Variants in CPA6 observed in about 807,000 individuals in gnomAD.
CPA6 encodes carboxypeptidase A6, also known as carboxypeptidase B.
A neutral mutation model predicts 63.3 loss-of-function variants in CPA6; 58 were observed. That is an observed-to-expected ratio of 0.92 (90% CI 0.74 to 1.14). The LOEUF (loss-of-function observed/expected upper bound fraction) is 1.14, where lower values mean the gene tolerates loss of function less well. Among genes scored for constraint, CPA6 ranks in the 50% most tolerant of loss-of-function variants. CPA6 has a pLI of 0.00. For missense variants in CPA6, 565 were observed against 526.6 expected (o/e 1.07, Z -0.71); for synonymous variants, 185 against 179.0 (o/e 1.03, Z -0.27).
At chr8:67,713,795 A>G (rs1177053276) in intron 1 of CPA6, among the ~76,000 whole-genome samples, 2 of 152,184 alleles carry the variant, frequency 1.3e-5, no homozygotes, top group Admixed American at 6.5e-5. Flanking sequence ...AGATTTTACA[A>G]TATACTGGCC....
chr8:67,642,793 T>TCACACACACACACACACACA (rs61054637), intron 1 of CPA6, among the ~76,000 whole-genome samples: 85 of 145,172 alleles, frequency 5.9e-4, no homozygotes, highest in South Asian at 5.4e-3. Flanking sequence ...GGCCTTTATC[T>TCACACACACACACACACACA]CACACACACA....
chr8:67,638,017 ATG>A (rs1291963317), intron 1 of CPA6, among the ~76,000 whole-genome samples: 2 of 146,092 alleles, frequency 1.4e-5, no homozygotes, highest in Non-Finnish European at 1.5e-5. Flanking sequence ...GCATGCATGC[ATG>A]TGTGTTTGTG....
In CPA6 at chr8:67,564,985, G is replaced by A. The variant is rs913809821; in HGVS notation, c.193-46938C>T. ...TGAAAGATGAACTGAGAACCGCAGC[G>A]TGGTCTTCTAGATCATTTAGTATGT... On this transcript the variant is annotated intron_variant, in intron 2 of 10. Transcript: ENST00000297770. 3.3e-5 allele frequency among the ~76,000 whole-genome samples: 5 copies of A among 152,258 alleles called. 1 individual carries two copies. Among genetic ancestry groups the A allele is most frequent in the Admixed American group, 2.0e-4 (3 of 15,290 alleles).
intron 8 of CPA6, among the ~76,000 whole-genome samples, chr8:67,458,042 C>A (rs1300116093): frequency 6.6e-6 from 1 of 152,152 alleles, no homozygotes; most frequent in Non-Finnish European, 1.5e-5. Context: ...AACAACTGAA[C>A]ATCCACATAC....
intron 1 of CPA6, among the ~76,000 whole-genome samples, chr8:67,715,191 T>A (rs76602244): frequency 0.017 from 2,568 of 152,256 alleles, 37 homozygotes; most frequent in Non-Finnish European, 0.025. Flanking sequence ...CAGAGTTAGC[T>A]CAGACCCTGC....
rs1183260020 is a variant in CPA6, at chr8:67,475,915, TTTC to T, written c.838+7850_838+7852del. 5.3e-4 allele frequency among the ~76,000 whole-genome samples: 54 copies of T among 101,628 alleles called. 2 individuals carry two copies. Among genetic ancestry groups the T allele is most frequent in the African/African-American group, 2.4e-3 (52 of 21,434 alleles). The allele number at this position is 101,628 out of a possible 152,430, so 66.7% of individuals were successfully genotyped here. On this transcript the variant is annotated intron_variant, in intron 8 of 10. Coordinates refer to ENST00000297770, the MANE Select transcript of CPA6 (RefSeq NM_020361.5). ...CTTTCTTTCTTTCTTTCTTTCTTTC[TTTC>T]TTTCTTTCTTTCTTTCTCTTTCTTT... is the stretch of plus-strand genomic sequence containing the variant.
intron 1 of CPA6, among the ~76,000 whole-genome samples, chr8:67,658,206 C>T (rs967257341): frequency 6.6e-6 from 1 of 152,206 alleles, no homozygotes. Context: ...TCCTATCTAA[C>T]TCCATCTGAG....
chr8:67,627,569 A>T (rs1815221633), intron 1 of CPA6, among the ~76,000 whole-genome samples: 1 of 152,250 alleles, frequency 6.6e-6, no homozygotes, highest in Non-Finnish European at 1.5e-5. Flanking sequence ...ACTACTGGGC[A>T]AACAGCTGCT....
chr8:67,489,742 A>G (rs1811565195), intron 6 of CPA6, among the ~76,000 whole-genome samples: 2 of 152,080 alleles, frequency 1.3e-5, no homozygotes, highest in South Asian at 2.1e-4. Context: ...CTTACTAAAA[A>G]TTTGTCTGCT....
chr8:67,560,872 A>C (rs551571351), intron 2 of CPA6, among the ~76,000 whole-genome samples: 24 of 152,128 alleles, frequency 1.6e-4, no homozygotes, highest in Admixed American at 3.3e-4. Flanking sequence ...TTATGTGGAC[A>C]TTATAACCAA....
intron 1 of CPA6, among the ~76,000 whole-genome samples, chr8:67,707,069 TTAAGAC>T (rs1424856639): frequency 3.3e-5 from 5 of 152,352 alleles, no homozygotes; most frequent in Admixed American, 3.3e-4. Context: ...TGTGGCTTGC[TTAAGAC>T]TTTTTGTCAT....
At chr8:67,442,646 A>T (rs1309608947) in intron 8 of CPA6, among the ~76,000 whole-genome samples, 1 of 152,220 alleles carries the variant, frequency 6.6e-6, no homozygotes, top group Non-Finnish European at 1.5e-5. Context: ...ATTAGGAACT[A>T]GTTCATGGAA....
intron 1 of CPA6, among the ~76,000 whole-genome samples, chr8:67,668,338 C>G (rs1280825978): frequency 6.6e-6 from 1 of 152,198 alleles, no homozygotes; most frequent in Non-Finnish European, 1.5e-5. Flanking sequence ...TATTCGCACT[C>G]AATAAAAGCT....
chr8:67,540,954 AT>A (rs903649207), intron 2 of CPA6, among the ~76,000 whole-genome samples: 11 of 152,164 alleles, frequency 7.2e-5, no homozygotes, highest in Non-Finnish European at 1.5e-5. Flanking sequence ...TGGGGGTGGG[AT>A]CCACTGAGCT....
chr8:67,678,225 TCTCACACA>T (rs1386438641), intron 1 of CPA6, among the ~76,000 whole-genome samples: 53 of 143,060 alleles, frequency 3.7e-4, no homozygotes, highest in African/African-American at 1.1e-3. Flanking sequence ...TAAAACTCTG[TCTCACACA>T]CACACACACA....
At chr8:67,568,570 A>C (rs1813401096) in intron 2 of CPA6, among the ~76,000 whole-genome samples, 2 of 152,238 alleles carry the variant, frequency 1.3e-5, no homozygotes, top group South Asian at 4.1e-4. Context: ...CAAGCTGAAG[A>C]ATCAGTGAAC....
intron 1 of CPA6, among the ~76,000 whole-genome samples, chr8:67,707,466 T>C (rs1817161608): frequency 6.6e-6 from 1 of 152,242 alleles, no homozygotes; most frequent in East Asian, 1.9e-4. Flanking sequence ...TCTCTAAAAT[T>C]TAGAAACTAT....
At chr8:67,694,818 C>T (rs1307548658) in intron 1 of CPA6, among the ~76,000 whole-genome samples, 3 of 152,168 alleles carry the variant, frequency 2.0e-5, no homozygotes, top group Non-Finnish European at 4.4e-5. Context: ...AATCTTCCCA[C>T]TGGGCAGAAC....
At chr8:67,548,581 G>A (rs945724653) in intron 2 of CPA6, among the ~76,000 whole-genome samples, 2 of 151,938 alleles carry the variant, frequency 1.3e-5, no homozygotes, top group African/African-American at 4.8e-5. Flanking sequence ...GAAAGATAAC[G>A]ACCAAAAAAC....
Sources: allele counts gnomAD v4.1 joint callset (sites outside exome capture counted in the v4.1 genomes callset), GRCh38; gene constraint gnomAD v4.1.1; transcripts MANE v1.5; gene names NCBI Gene and HGNC (gene_info 2026-07-23, HGNC 2026-07-21).